CAPN8: variants seen among roughly 807,000 people sequenced by gnomAD.
CAPN8 encodes the protein calpain 8, also known as calpain-8.
A neutral mutation model predicts 80.9 loss-of-function variants in CAPN8; 87 were observed. The ratio of observed to expected loss-of-function variants is 1.07; its 90% CI spans 0.90 to 1.28. The LOEUF (loss-of-function observed/expected upper bound fraction) is 1.28. CAPN8 is among the 50% of genes most tolerant of loss of function. The pLI is 0.00. For missense variants in CAPN8, 757 were observed against 702.0 expected (o/e 1.08, Z -0.89); for synonymous variants, 299 against 273.8 (o/e 1.09, Z -0.91).
intron 6 of CAPN8, among the ~76,000 whole-genome samples, chr1:223,624,237 T>C (rs1192680507): frequency 6.6e-6 from 1 of 152,188 alleles, no homozygotes; most frequent in Non-Finnish European, 1.5e-5. Flanking sequence ...CTACTATGCC[T>C]GGCCTATTTC....
chr1:223,628,199 T>A (rs1572243013), intron 3 of CAPN8, 57 bp from the exon 4 acceptor site: 1 of 1,491,430 alleles, frequency 6.7e-7, no homozygotes, highest in East Asian at 2.5e-5. Context: ...GTAAAGGGAG[T>A]CCCTCCAGGG....
intron 2 of CAPN8, among the ~76,000 whole-genome samples, chr1:223,646,307 C>T (rs111414871): frequency 6.6e-6 from 1 of 152,222 alleles, no homozygotes; most frequent in Non-Finnish European, 1.5e-5. Context: ...GAAGGACCAG[C>T]CTTTTCTGGG....
chr1:223,612,221 G>A, intron 11 of CAPN8, 25 bp downstream of exon 11: 1 of 1,234,226 alleles, frequency 8.1e-7, no homozygotes, highest in East Asian at 3.2e-5. Context: ...ACCAAAGGAA[G>A]GAATCTCTGT....
At position 223,643,974 on chromosome 1, in the gene CAPN8, T is replaced by C. The variant is rs74145962; in HGVS notation, c.307+10356A>G. The C allele has an allele frequency of 2.2e-3, 390 of 175,470 alleles. 2 individuals carry two copies. The highest frequency in any genetic ancestry group is 8.7e-3 in the African/African-American group (364 of 41,642). The allele number at this position is 175,470 out of a possible 1,614,324, so 10.9% of individuals were successfully genotyped here. A position where few individuals can be genotyped will look rare whatever the true frequency, so the allele number is the denominator to read the frequency against. The stretch of plus-strand genomic sequence containing the variant: ...AAAAAAATTTTTTTAATACAAACAA[T>C]CCCACAGTACTTATTGTCATCTTGT... On this transcript the variant is annotated intron_variant, in intron 2 of 20. Transcript: ENST00000366872.
rs560621369 is a variant in CAPN8, at chr1:223,612,277, A to G, written c.1312-20T>C. The G allele has an allele frequency of 5.7e-6, 7 of 1,234,222 alleles. No individual in the cohort carries two copies. The South Asian group carries it at 2.0e-4, about 36-fold the overall frequency. 76.5% of individuals were successfully genotyped at this position (1,234,222 alleles called of 1,614,324 possible). A position where few individuals can be genotyped will look rare whatever the true frequency, so the allele number is the denominator to read the frequency against. ...GGGAACCTGTGGGGCAGAAGAAAAG[A>G]GCAGGTCACCTGAGAGCTCCAAGGT... On this transcript the variant is annotated intron_variant, in intron 10 of 20. Coordinates refer to ENST00000366872, the MANE Select transcript of CAPN8 (RefSeq NM_001143962.2).
intron 1 of CAPN8, among the ~76,000 whole-genome samples, chr1:223,665,060 C>A (rs1363019668): frequency 1.3e-5 from 2 of 152,152 alleles, no homozygotes; most frequent in East Asian, 3.9e-4. Context: ...TTGAGACCAG[C>A]CTGACCAACA....
chr1:223,646,291 C>T (rs1321675519), intron 2 of CAPN8, among the ~76,000 whole-genome samples: 1 of 152,238 alleles, frequency 6.6e-6, no homozygotes, highest in African/African-American at 2.4e-5. Context: ...TGTGGATTTG[C>T]TTCCAGAAGG....
chr1:223,625,694 A>G, intron 6 of CAPN8, 111 bp downstream of exon 6: 1 of 922,582 alleles, frequency 1.1e-6, no homozygotes, highest in Non-Finnish European at 1.7e-6. Context: ...GAAGCTCAAA[A>G]GCCAATTCCG....
chr1:223,628,226 T>C (rs1657658183), intron 3 of CAPN8, 84 bp from the exon 4 acceptor site: 1 of 1,421,834 alleles, frequency 7.0e-7, no homozygotes, highest in South Asian at 1.4e-5. Flanking sequence ...ACGTGGGGAC[T>C]CTGTGCCATC....
rs78512093 is a variant in CAPN8, at chr1:223,642,267, G to A, written c.307+12063C>T. 3.9e-3 allele frequency among the ~76,000 whole-genome samples: 596 copies of A among 150,974 alleles called. 7 individuals carry two copies. Among genetic ancestry groups the A allele is most frequent in the African/African-American group, 0.014 (571 of 41,488 alleles). ...GTATTTTTCTGAAACAAAGAGTTTC[G>A]AAGATTAGCCCCAAGCACTGGTGTT... is the stretch of plus-strand genomic sequence containing the variant. On this transcript the variant is annotated intron_variant, in intron 2 of 20. Transcript: ENST00000366872.
intron 11 of CAPN8, among the ~76,000 whole-genome samples, chr1:223,610,011 G>A (rs914134518): frequency 0.03 from 4,505 of 152,306 alleles, 170 homozygotes; most frequent in African/African-American, 0.089. Flanking sequence ...TATTTGTTGC[G>A]GGGAGGTGGG....
In CAPN8 at chr1:223,628,736, C is replaced by T; in HGVS notation, c.352G>A (p.Glu118Lys). 6.4e-7 allele frequency: 1 copy of T among 1,553,238 alleles called. No individual in the cohort carries two copies. The highest frequency in any genetic ancestry group is 1.2e-5 in the South Asian group (1 of 84,124). Residue 118 changes from glutamate (E) to lysine (K), a missense_variant, in exon 3 of 21, where the codon GAA (glutamate) becomes AAA (lysine). Glu to Lys is a moderately conservative substitution (Grantham distance 56). Coordinates refer to ENST00000366872, the MANE Select transcript of CAPN8 (RefSeq NM_001143962.2). ...GGGACCACCCGGTAAAGCAGCTCTT[C>T]ATTCAGGGTCAGGGAGGCAATGGCA... is the stretch of plus-strand genomic sequence containing the variant. ...LAAIASLTLN[E>K]ELLYRVVPRD... is the part of the protein sequence containing the mutation.
intron 9 of CAPN8, among the ~76,000 whole-genome samples, chr1:223,616,631 C>T (rs1426692209): frequency 3.9e-5 from 6 of 152,196 alleles, no homozygotes; most frequent in Admixed American, 1.3e-4. Context: ...AAAGGTCTCT[C>T]CGTGACACTA....
chr1:223,543,970 C>T, intron 19 of CAPN8, 97 bp downstream of exon 19: 1 of 661,442 alleles, frequency 1.5e-6, no homozygotes, highest in East Asian at 2.7e-5. Flanking sequence ...TCCCTGGCCT[C>T]CTAAAGGCAA....
At chr1:223,547,586 A>C (rs1311251862) in intron 16 of CAPN8, among the ~76,000 whole-genome samples, 1 of 152,184 alleles carries the variant, frequency 6.6e-6, no homozygotes, top group East Asian at 1.9e-4. Context: ...TGCCTGATAT[A>C]CTTTAAATGA....
At chr1:223,546,294 G>A (rs113423057) in intron 16 of CAPN8, among the ~76,000 whole-genome samples, 13,935 of 152,134 alleles carry the variant, frequency 0.092, 671 homozygotes, top group Non-Finnish European at 0.11. Flanking sequence ...CTGAGGCAGG[G>A]GGATTGCTTG....
intron 15 of CAPN8, among the ~76,000 whole-genome samples, chr1:223,549,917 C>G (rs1656737941): frequency 1.3e-5 from 2 of 152,254 alleles, no homozygotes; most frequent in African/African-American, 4.8e-5. Context: ...GATCAGGAAT[C>G]TGAGTCCCAG....
chr1:223,649,910 G>A (rs948729791), intron 2 of CAPN8, among the ~76,000 whole-genome samples: 3 of 151,916 alleles, frequency 2.0e-5, no homozygotes, highest in East Asian at 3.9e-4. Flanking sequence ...CTCCACCCAC[G>A]GTAGCCCCCA....
chr1:223,545,420 G>A, intron 16 of CAPN8, 121 bp from the exon 17 acceptor site: 1 of 1,445,448 alleles, frequency 6.9e-7, no homozygotes, highest in Non-Finnish European at 9.4e-7. Context: ...TCTGTGGCAA[G>A]CAGAGCAGTG....
Sources: gnomAD v4.1 joint callset for allele counts (sites outside exome capture counted in the v4.1 genomes callset) on GRCh38, gnomAD v4.1.1 for gene constraint, MANE v1.5 for transcripts, NCBI Gene and HGNC (gene_info 2026-07-23, HGNC 2026-07-21) for gene names.